The following RAB31 variants were observed in gnomAD, a reference collection of about 807,000 sequenced individuals.
The protein encoded by RAB31 is RAB31, member RAS oncogene family, also known as ras-related protein Rab-31.
Under a neutral mutation model 25.6 loss-of-function variants are expected in RAB31, and 21 were observed. The ratio of observed to expected loss-of-function variants is 0.82; its 90% confidence interval spans 0.58 to 1.18. The LOEUF is 1.18. Ranked by LOEUF, RAB31 falls within the 50% of genes most tolerant of loss-of-function variation. RAB31 has a pLI of 0.00. For synonymous variants in RAB31, 87 were observed against 84.0 expected (o/e 1.04, Z -0.20); for missense variants, 196 against 250.1 (o/e 0.78, Z 1.46).
At chr18:9,790,718 A>G (rs2068455629) in intron 2 of RAB31, among the ~76,000 whole-genome samples, 1 of 152,230 alleles carries the variant, frequency 6.6e-6, no homozygotes, top group Admixed American at 6.5e-5. Flanking sequence ...TGTCTTACAG[A>G]ATGTTTCACA....
chr18:9,861,870 A>T lies in RAB31; in HGVS notation c.*2545A>T, dbSNP rs750367117. ...TTGGCCCCTAGCCATGTGTTAATATAAAGTAGGCATGGCTTCCCAATGGAA... is the reference window on the plus strand; with the variant it reads ...TTGGCCCCTAGCCATGTGTTAATATTAAGTAGGCATGGCTTCCCAATGGAA... On this transcript the variant is annotated 3_prime_UTR_variant, in exon 7 of 7. Transcript: ENST00000578921. 1.3e-5 allele frequency: 2 copies of T among 152,618 alleles called. No homozygotes were observed. 9.5% of individuals were successfully genotyped at this position (152,618 alleles called of 1,614,324 possible).
intron 3 of RAB31, among the ~76,000 whole-genome samples, chr18:9,801,862 T>C (rs1447767105): frequency 6.6e-6 from 1 of 152,246 alleles, no homozygotes; most frequent in Admixed American, 6.5e-5. Context: ...TCTGTCCATG[T>C]TGTAAAGACA....
At chr18:9,797,687 A>G (rs1174031020) in intron 3 of RAB31, among the ~76,000 whole-genome samples, 1 of 152,210 alleles carries the variant, frequency 6.6e-6, no homozygotes, top group African/African-American at 2.4e-5. Context: ...CCCACTACCC[A>G]GATATTTCCA....
chr18:9,828,812 C>T (rs1336562010), intron 5 of RAB31, among the ~76,000 whole-genome samples: 1 of 152,102 alleles, frequency 6.6e-6, no homozygotes, highest in African/African-American at 2.4e-5. Flanking sequence ...AGCACTAAAG[C>T]CAGTGAACAT....
At chr18:9,757,587 C>T (rs891265397) in intron 1 of RAB31, among the ~76,000 whole-genome samples, 1 of 152,140 alleles carries the variant, frequency 6.6e-6, no homozygotes. Flanking sequence ...GTGTTCCTAG[C>T]TTTAGCCACG....
intron 1 of RAB31, among the ~76,000 whole-genome samples, chr18:9,724,861 A>C (rs1420316533): frequency 6.6e-6 from 1 of 152,164 alleles, no homozygotes; most frequent in Non-Finnish European, 1.5e-5. Flanking sequence ...ATAACAAACT[A>C]CCCTGACCTC....
chr18:9,809,727 C>G, intron 3 of RAB31, among the ~76,000 whole-genome samples: 1 of 152,194 alleles, frequency 6.6e-6, no homozygotes, highest in African/African-American at 2.4e-5. Context: ...ATTGAGATTG[C>G]TTACAGTTTT....
At chr18:9,834,290 A>G (rs1325491653) in intron 5 of RAB31, among the ~76,000 whole-genome samples, 2 of 151,900 alleles carry the variant, frequency 1.3e-5, no homozygotes, top group Non-Finnish European at 2.9e-5. Context: ...TAATTTTTGT[A>G]TTTTTAGTAG....
intron 1 of RAB31, among the ~76,000 whole-genome samples, chr18:9,739,574 T>C (rs1164689217): frequency 2.6e-5 from 4 of 151,824 alleles, no homozygotes; most frequent in Non-Finnish European, 4.4e-5. Context: ...ACAAACTATC[T>C]GGATGATTCT....
At chr18:9,731,596 CTTT>C (rs10685568) in intron 1 of RAB31, among the ~76,000 whole-genome samples, 5 of 107,630 alleles carry the variant, frequency 4.6e-5, no homozygotes, top group Non-Finnish European at 3.6e-5. Context: ...TGGGAATTTG[CTTT>C]TTTTTTTTTT....
chr18:9,826,180 C>T (rs927121993), intron 5 of RAB31, among the ~76,000 whole-genome samples: 1 of 144,776 alleles, frequency 6.9e-6, no homozygotes, highest in South Asian at 2.3e-4. Flanking sequence ...AGTTCAAGAC[C>T]AGCCTGGCCA....
chr18:9,751,564 A>G lies in RAB31; in HGVS notation c.40-23714A>G, dbSNP rs554590941. Among the ~76,000 whole-genome samples, 11 of 152,330 alleles carry G rather than the reference A, an allele frequency of 7.2e-5. No individual in the cohort carries two copies. In the South Asian group the frequency reaches 1.2e-3, roughly 17 times the overall value. On this transcript the variant is annotated intron_variant, in intron 1 of 6. Coordinates refer to ENST00000578921, the MANE Select transcript of RAB31 (RefSeq NM_006868.4). ...AAGGCCCTTACATCGGGCCACAGCA[A>G]TCTTTCCCAGACTCTGCATGTCCAC...
intron 5 of RAB31, among the ~76,000 whole-genome samples, chr18:9,832,369 G>C (rs1202272989): frequency 6.6e-6 from 1 of 152,166 alleles, no homozygotes; most frequent in Non-Finnish European, 1.5e-5. Context: ...ACAACCTCCT[G>C]AACATCCTGG....
chr18:9,843,815 ATCG>A (rs2068746810), intron 5 of RAB31, among the ~76,000 whole-genome samples: 2 of 152,162 alleles, frequency 1.3e-5, no homozygotes, highest in Non-Finnish European at 1.5e-5. Context: ...GGCTGGGGCC[ATCG>A]CCTTTAACAT....
chr18:9,757,154 T>C (rs1271893046), intron 1 of RAB31, among the ~76,000 whole-genome samples: 1 of 152,228 alleles, frequency 6.6e-6, no homozygotes, highest in African/African-American at 2.4e-5. Flanking sequence ...TCCCACTTAA[T>C]ACCAGTGTGG....
intron 1 of RAB31, among the ~76,000 whole-genome samples, chr18:9,750,173 G>A (rs1007174644): frequency 6.6e-5 from 10 of 152,260 alleles, no homozygotes; most frequent in Non-Finnish European, 1.3e-4. Flanking sequence ...TTGTGAAGAG[G>A]GAAGAAATGG....
intron 5 of RAB31, among the ~76,000 whole-genome samples, chr18:9,821,751 C>T (rs1170645152): frequency 6.6e-6 from 1 of 151,970 alleles, no homozygotes; most frequent in African/African-American, 2.4e-5. Flanking sequence ...ATATATTTAA[C>T]AAAACATATA....
chr18:9,741,192 A>G (rs2068176931), intron 1 of RAB31, among the ~76,000 whole-genome samples: 2 of 151,978 alleles, frequency 1.3e-5, no homozygotes, highest in Non-Finnish European at 2.9e-5. Flanking sequence ...CCCGGCCAAC[A>G]TGGTGAAACT....
chr18:9,844,408 G>A (rs895611957), intron 5 of RAB31, among the ~76,000 whole-genome samples: 5 of 152,228 alleles, frequency 3.3e-5, no homozygotes, highest in Admixed American at 2.6e-4. Flanking sequence ...CCATCCCAGA[G>A]TCTGACCTGC....
Sources: gnomAD v4.1 joint callset for allele counts (sites outside exome capture counted in the v4.1 genomes callset) on GRCh38, gnomAD v4.1.1 for gene constraint, MANE v1.5 for transcripts, NCBI Gene and HGNC (gene_info 2026-07-23, HGNC 2026-07-21) for gene names.